The following EPHA6 variants were observed in gnomAD, a reference collection of about 807,000 sequenced individuals.
EPHA6 encodes the protein ephrin type-A receptor 6.
EPHA6 carries 50 observed loss-of-function variants against 112.0 expected under a neutral mutation model. The observed-to-expected ratio is 0.45, with a 90% CI of 0.36 to 0.56. The LOEUF (loss-of-function observed/expected upper bound fraction) is 0.56, where lower values mean the gene tolerates loss of function less well. Among genes scored for constraint, EPHA6 ranks in the 20% least tolerant of loss-of-function variants. EPHA6 has a pLI of 0.00. For missense variants in EPHA6, 1,280 were observed against 1,417.4 expected (o/e 0.90, Z 1.56); for synonymous variants, 529 against 490.7 (o/e 1.08, Z -1.03).
At chr3:97,092,614 T>C (rs1339990855) in intron 3 of EPHA6, among the ~76,000 whole-genome samples, 1 of 152,064 alleles carries the variant, frequency 6.6e-6, no homozygotes, top group Non-Finnish European at 1.5e-5. Context: ...GTTACTAGCA[T>C]TCTTTTCTTA....
Position 97,333,473 on chromosome 3 carries a change from T to C in EPHA6, c.1607-71677T>C, listed in dbSNP as rs187693140. On this transcript the variant is annotated intron_variant, in intron 5 of 17. Coordinates refer to ENST00000389672, the MANE Select transcript of EPHA6 (RefSeq NM_001080448.3). ...TTACACTCTGTATGGCTTTTCTTTTTTTTTTTTTTTTTTTTTTTGAGACAG... is the reference window on the plus strand; with the variant it reads ...TTACACTCTGTATGGCTTTTCTTTTCTTTTTTTTTTTTTTTTTTGAGACAG... Among the ~76,000 whole-genome samples, 1,188 of 138,524 alleles carry C rather than the reference T, an allele frequency of 8.6e-3. 6 individuals are homozygous for C. The highest frequency in any genetic ancestry group is 0.031 in the African/African-American group (1,123 of 35,824). 90.9% of individuals were successfully genotyped at this position (138,524 alleles called of 152,430 possible).
intron 3 of EPHA6, among the ~76,000 whole-genome samples, chr3:97,103,571 T>C (rs1177476567): frequency 6.6e-6 from 1 of 152,218 alleles, no homozygotes; most frequent in East Asian, 1.9e-4. Context: ...TCGGGTTATA[T>C]GATGCCTCCA....
chr3:97,668,289 C>T (rs1204024318), intron 14 of EPHA6, among the ~76,000 whole-genome samples: 1 of 152,112 alleles, frequency 6.6e-6, no homozygotes, highest in Non-Finnish European at 1.5e-5. Flanking sequence ...TCAATAAAAT[C>T]TATGACTCCC....
intron 13 of EPHA6, among the ~76,000 whole-genome samples, chr3:97,618,532 T>A (rs2093785213): frequency 6.6e-6 from 1 of 151,762 alleles, no homozygotes; most frequent in Admixed American, 6.6e-5. Context: ...GCTAGACTAA[T>A]AAAGAAGAAA....
chr3:97,198,410 T>G (rs2077494542), intron 3 of EPHA6, among the ~76,000 whole-genome samples: 1 of 152,170 alleles, frequency 6.6e-6, no homozygotes, highest in South Asian at 2.1e-4. Flanking sequence ...CTCCATATTC[T>G]GAAGTGCTTC....
chr3:97,644,117 G>A (rs1281425296), intron 14 of EPHA6, among the ~76,000 whole-genome samples: 20 of 152,042 alleles, frequency 1.3e-4, no homozygotes, highest in South Asian at 8.4e-4. Flanking sequence ...TCAAACTAGA[G>A]CTCAGGATTA....
chr3:97,260,117 G>A (rs2079451720), intron 5 of EPHA6, among the ~76,000 whole-genome samples: 1 of 152,140 alleles, frequency 6.6e-6, no homozygotes, highest in African/African-American at 2.4e-5. Flanking sequence ...TATATCTTAA[G>A]TAACATGTTA....
chr3:96,890,320 A>G (rs866152743), intron 2 of EPHA6, among the ~76,000 whole-genome samples: 1 of 152,200 alleles, frequency 6.6e-6, no homozygotes, highest in South Asian at 2.1e-4. Context: ...ACAAGAAGAC[A>G]GATGAAGATG....
intron 2 of EPHA6, among the ~76,000 whole-genome samples, chr3:96,926,165 G>A (rs1219024649): frequency 6.6e-6 from 1 of 152,168 alleles, no homozygotes; most frequent in Non-Finnish European, 1.5e-5. Context: ...AAGCAAGCAT[G>A]TCTTACATGG....
At chr3:96,902,792 C>A (rs2107577506) in intron 2 of EPHA6, among the ~76,000 whole-genome samples, 1 of 152,238 alleles carries the variant, frequency 6.6e-6, no homozygotes, top group Non-Finnish European at 1.5e-5. Context: ...ACAAGATCTA[C>A]TGGAGATCAC....
intron 5 of EPHA6, among the ~76,000 whole-genome samples, chr3:97,335,832 G>A (rs1181977898): frequency 1.3e-5 from 2 of 152,224 alleles, no homozygotes; most frequent in African/African-American, 4.8e-5. Flanking sequence ...AGGGATTGGA[G>A]TTTTAAGGAT....
intron 3 of EPHA6, among the ~76,000 whole-genome samples, chr3:97,174,266 A>G (rs894163466): frequency 9.9e-5 from 15 of 151,886 alleles, no homozygotes; most frequent in Non-Finnish European, 1.9e-4. Context: ...TTCATTGTGT[A>G]TATGTACTAC....
intron 15 of EPHA6, among the ~76,000 whole-genome samples, chr3:97,731,364 A>C (rs1394588555): frequency 6.6e-6 from 1 of 152,174 alleles, no homozygotes; most frequent in African/African-American, 2.4e-5. Context: ...ATAGGTGATA[A>C]ATATAGAAAT....
At chr3:97,197,408 G>C (rs2077469476) in intron 3 of EPHA6, among the ~76,000 whole-genome samples, 1 of 151,878 alleles carries the variant, frequency 6.6e-6, no homozygotes. Context: ...TGCCAAAACT[G>C]GGTCCTTAAC....
chr3:97,187,715 A>AAGAAAG (rs1483132783), intron 3 of EPHA6, among the ~76,000 whole-genome samples: 1 of 150,542 alleles, frequency 6.6e-6, no homozygotes, highest in Non-Finnish European at 1.5e-5. Flanking sequence ...GAAAGAAAGA[A>AAGAAAG]AGAAAGAAAG....
intron 10 of EPHA6, among the ~76,000 whole-genome samples, chr3:97,484,629 G>C (rs1163939722): frequency 1.3e-5 from 2 of 152,184 alleles, no homozygotes; most frequent in African/African-American, 2.4e-5. Flanking sequence ...TAAGGCAGAG[G>C]CTAAGCCAAT....
At chr3:97,288,524 G>C (rs2080556675) in intron 5 of EPHA6, among the ~76,000 whole-genome samples, 1 of 152,076 alleles carries the variant, frequency 6.6e-6, no homozygotes, top group Admixed American at 6.6e-5. Context: ...TTGCAGTTTT[G>C]AATAGTGCTG....
chr3:97,733,028 C>T (rs767125842), intron 15 of EPHA6, among the ~76,000 whole-genome samples: 7 of 152,156 alleles, frequency 4.6e-5, no homozygotes, highest in Non-Finnish European at 7.4e-5. Context: ...GGACCACATG[C>T]TCTACTGGAT....
At chr3:97,648,550 T>C (rs998244000) in intron 14 of EPHA6, 3 of 1,240,264 alleles carry the variant, frequency 2.4e-6, no homozygotes, top group Non-Finnish European at 3.0e-6. Context: ...TTTAAGAACT[T>C]TAAGAATAAA....
Sources: allele counts gnomAD v4.1 joint callset (sites outside exome capture counted in the v4.1 genomes callset), GRCh38; gene constraint gnomAD v4.1.1; transcripts MANE v1.5; gene names NCBI Gene and HGNC (gene_info 2026-07-23, HGNC 2026-07-21).